SPECC1L: variants seen among roughly 807,000 people sequenced by gnomAD.
SPECC1L encodes sperm antigen with calponin homology and coiled-coil domains 1 like.
A neutral mutation model predicts 116.8 loss-of-function variants in SPECC1L; 40 were observed. That is an observed-to-expected ratio of 0.34 (90% CI 0.27 to 0.45). The LOEUF is 0.45. Ranked by LOEUF, SPECC1L falls within the 20% of genes least tolerant of loss-of-function variation. SPECC1L has a pLI of 1.00. For synonymous variants in SPECC1L, 504 were observed against 500.6 expected, an observed-to-expected ratio of 1.01 and a Z score of -0.09; for missense variants, 1,110 against 1,373.6, an observed-to-expected ratio of 0.81 and a Z score of 3.03.
At chr22:24,413,604 A>G (rs1488729947) in intron 16 of SPECC1L, among the ~76,000 whole-genome samples, 1 of 152,210 alleles carries the variant, frequency 6.6e-6, no homozygotes, top group Non-Finnish European at 1.5e-5. Context: ...ATCCCTAGAA[A>G]TGTGCATTTT....
chr22:24,369,151 T>G, intron 13 of SPECC1L, 67 bp from the exon 14 acceptor site: 1 of 1,154,290 alleles, frequency 8.7e-7, no homozygotes. Context: ...AATGCAAACT[T>G]TAATACTTTT....
At position 24,314,499 on chromosome 22, in the gene SPECC1L, A is replaced by G. The variant is rs191387208; in HGVS notation, c.307+1033A>G. The stretch of plus-strand genomic sequence containing the variant: ...TTTGTTTTATTTACTGTCTATTTTT[A>G]TATTTGGATCAGGACTCATGTAGGT... On this transcript the variant is annotated intron_variant, in intron 4 of 16. Coordinates refer to ENST00000314328, the MANE Select transcript of SPECC1L (RefSeq NM_015330.6). 7.8e-3 allele frequency among the ~76,000 whole-genome samples: 1,184 copies of G among 152,256 alleles called. 9 individuals are homozygous for G. Among genetic ancestry groups the G allele is most frequent in the South Asian group, 0.024 (116 of 4,824 alleles).
chr22:24,354,277 A>G (rs1268142778), intron 11 of SPECC1L, among the ~76,000 whole-genome samples: 1 of 152,098 alleles, frequency 6.6e-6, no homozygotes, highest in Non-Finnish European at 1.5e-5. Flanking sequence ...TCCTTCTTAA[A>G]CTTTCTCTCA....
rs189154570 is a variant in SPECC1L, at chr22:24,285,109, G to A, written c.-38+8306G>A. On this transcript the variant is annotated intron_variant, in intron 2 of 16. Transcript: ENST00000314328. ...ACACTTAGATTGGGTGACAAAGTTT[G>A]TAGTTGTCTAGAAGAACCTCTGAAG... Among the ~76,000 whole-genome samples the A allele has an allele frequency of 2.6e-3, 391 of 152,348 alleles. 1 individual carries two copies. The highest frequency in any genetic ancestry group is 8.5e-3 in the African/African-American group (353 of 41,590).
intron 12 of SPECC1L, 68 bp downstream of exon 12, chr22:24,363,412 C>T: frequency 1.5e-6 from 2 of 1,348,664 alleles, no homozygotes; most frequent in Non-Finnish European, 2.1e-6. Context: ...ACTATGTTGC[C>T]CAGGCTGATC....
intron 4 of SPECC1L, among the ~76,000 whole-genome samples, chr22:24,320,229 T>A (rs894582984): frequency 2.0e-5 from 3 of 152,122 alleles, no homozygotes; most frequent in Admixed American, 1.3e-4. Flanking sequence ...TGAGCCGAAA[T>A]CGCTCCACTG....
At chr22:24,381,800 C>T (rs1411598724) in intron 14 of SPECC1L, among the ~76,000 whole-genome samples, 2 of 152,106 alleles carry the variant, frequency 1.3e-5, no homozygotes, top group East Asian at 1.9e-4. Context: ...AGGAGAATGG[C>T]GTGAAACCGG....
At chr22:24,328,746 A>G (rs925004539) in intron 6 of SPECC1L, 100 bp from the exon 7 acceptor site, 4 of 901,138 alleles carry the variant, frequency 4.4e-6, no homozygotes, top group Non-Finnish European at 7.1e-6. Context: ...TGGACAGGAT[A>G]ACTTTTTTCG....
At position 24,363,327 on chromosome 22, in the gene SPECC1L, G is replaced by T. The variant is rs200170698; in HGVS notation, c.2810G>T (p.Ser937Ile). The stretch of plus-strand genomic sequence containing the variant: ...CTGCCAAGAGTGCCTGCGATGGAAA[G>T]TGCCAAGACCCTCTCAGGTGATGAC... ...ASLPRVPAME[S>I]AKTLSVSRRS... The change falls in exon 12 of 17, where the codon AGT (serine) becomes ATT (isoleucine). Residue 937 changes from serine (S) to isoleucine (I), a missense_variant. By Grantham distance (142) the Ser-to-Ile change is moderately radical (BLOSUM62 -2). This residue lies in a region of SPECC1L where 575 missense variants were observed against 682.4 expected (regional missense o/e 0.84). Coordinates refer to ENST00000314328, the MANE Select transcript of SPECC1L (RefSeq NM_015330.6). The T allele has an allele frequency of 1.2e-6, 2 of 1,614,174 alleles. No individual in the cohort carries two copies. The highest frequency in any genetic ancestry group is 1.7e-6 in the Non-Finnish European group (2 of 1,179,996).
intron 1 of SPECC1L, among the ~76,000 whole-genome samples, chr22:24,274,233 A>G (rs771052959): frequency 6.6e-6 from 1 of 152,226 alleles, no homozygotes; most frequent in Non-Finnish European, 1.5e-5. Context: ...TAACATGACC[A>G]TTAGGAAAGT....
At chr22:24,324,182 C>G (rs1022277414) in intron 5 of SPECC1L, 38 bp from the exon 6 acceptor site, 2 of 1,570,912 alleles carry the variant, frequency 1.3e-6, no homozygotes, top group Admixed American at 1.7e-5. Flanking sequence ...TAGAACAACT[C>G]TTAACTTTTC....
chr22:24,408,860 C>T (rs568793446), intron 14 of SPECC1L, among the ~76,000 whole-genome samples: 20 of 152,258 alleles, frequency 1.3e-4, no homozygotes, highest in African/African-American at 3.9e-4. Flanking sequence ...AAGTCAGCCT[C>T]GTGATCCTCC....
chr22:24,349,652 T>C (rs1440539722), intron 11 of SPECC1L, among the ~76,000 whole-genome samples: 1 of 152,186 alleles, frequency 6.6e-6, no homozygotes, highest in African/African-American at 2.4e-5. Context: ...CCATCTCCAT[T>C]CATGGCAGTT....
chr22:24,395,670 C>T (rs139449531), intron 14 of SPECC1L, among the ~76,000 whole-genome samples: 1,661 of 152,286 alleles, frequency 0.011, 29 homozygotes, highest in African/African-American at 0.037. Context: ...CAGAATCTTG[C>T]TCTGTCTCCC....
rs141651871 is a variant in SPECC1L, at chr22:24,332,444, A to G, written c.2397-1966A>G. ...GGCAGAATAGGAAAAGTTCACTTATATGGTTTCAGATTCCACATTGGAGCT... is the reference window on the plus strand; with the variant it reads ...GGCAGAATAGGAAAAGTTCACTTATGTGGTTTCAGATTCCACATTGGAGCT... On this transcript the variant is annotated intron_variant, in intron 8 of 16. Transcript: ENST00000314328. Among the ~76,000 whole-genome samples the G allele has an allele frequency of 1.9e-3, 294 of 152,332 alleles. 1 individual carries two copies. Among genetic ancestry groups the G allele is most frequent in the Admixed American group, 5.2e-3 (80 of 15,300 alleles).
At chr22:24,291,471 T>C (rs1167424456) in intron 2 of SPECC1L, among the ~76,000 whole-genome samples, 3 of 151,984 alleles carry the variant, frequency 2.0e-5, no homozygotes, top group Non-Finnish European at 4.4e-5. Flanking sequence ...CTAATGTTGT[T>C]TGTTGACATC....
In SPECC1L at chr22:24,342,619, G is replaced by C. The variant is rs183201150; in HGVS notation, c.2652+4142G>C. Among the ~76,000 whole-genome samples the C allele has an allele frequency of 3.6e-3, 532 of 149,618 alleles. 5 individuals carry two copies. The highest frequency in any genetic ancestry group is 4.2e-3 in the Non-Finnish European group (284 of 67,790). On this transcript the variant is annotated intron_variant, in intron 10 of 16. Transcript: ENST00000314328. ...ACCCAGGAGGGGGAGGTTGCAATGA[G>C]CTGAGATTGTGCCATTGCACTCCAG...
At chr22:24,392,144 C>T (rs973331734) in intron 14 of SPECC1L, among the ~76,000 whole-genome samples, 3 of 152,242 alleles carry the variant, frequency 2.0e-5, no homozygotes, top group African/African-American at 7.2e-5. Flanking sequence ...GCTCTTTCCA[C>T]TGAGCTGTCC....
intron 11 of SPECC1L, among the ~76,000 whole-genome samples, chr22:24,362,322 TAGG>T (rs1164098174): frequency 6.6e-6 from 1 of 151,988 alleles, no homozygotes; most frequent in Non-Finnish European, 1.5e-5. Context: ...TAGCCAGGAT[TAGG>T]AGGGAATAGA....
Sources: gnomAD v4.1 joint callset for allele counts (sites outside exome capture counted in the v4.1 genomes callset) on GRCh38, gnomAD v4.1.1 for gene constraint, gnomAD v4.1.1 regional missense constraint, MANE v1.5 for transcripts, NCBI Gene and HGNC (gene_info 2026-07-23, HGNC 2026-07-21) for gene names.